NUBPL: variants seen among roughly 807,000 people sequenced by gnomAD.
NUBPL encodes the protein iron-sulfur cluster transfer protein NUBPL.
NUBPL carries 31 observed loss-of-function variants against 45.7 expected under a neutral mutation model. That is an observed-to-expected ratio of 0.68 (90% CI 0.51 to 0.92). The LOEUF is 0.92. Among genes scored for constraint, NUBPL ranks in the 40% least tolerant of loss-of-function variants. The pLI is 0.00. For missense variants in NUBPL, 401 were observed against 398.7 expected (o/e 1.01, Z -0.05); for synonymous variants, 144 against 140.9 (o/e 1.02, Z -0.15).
intron 8 of NUBPL, among the ~76,000 whole-genome samples, chr14:31,834,404 C>T (rs987315181): frequency 2.6e-5 from 4 of 152,086 alleles, no homozygotes; most frequent in African/African-American, 9.7e-5. Context: ...TGGTCTCGAT[C>T]TCCTGACTTC....
chr14:31,627,781 A>G (rs1363090890), intron 4 of NUBPL, among the ~76,000 whole-genome samples: 3 of 151,584 alleles, frequency 2.0e-5, no homozygotes, highest in African/African-American at 7.3e-5. Flanking sequence ...AAAAAAAAAA[A>G]AATTATTGAG....
At chr14:31,828,051 C>T (rs978367214) in intron 8 of NUBPL, among the ~76,000 whole-genome samples, 1 of 152,154 alleles carries the variant, frequency 6.6e-6, no homozygotes, top group African/African-American at 2.4e-5. Context: ...TGCCTGTATG[C>T]TTACCTTCCA....
chr14:31,746,338 C>G (rs970995703), intron 6 of NUBPL, among the ~76,000 whole-genome samples: 4 of 151,886 alleles, frequency 2.6e-5, no homozygotes, highest in African/African-American at 4.9e-5. Context: ...TCATTTATTG[C>G]CTTTATCGTG....
At chr14:31,631,440 T>C (rs1416070449) in intron 4 of NUBPL, among the ~76,000 whole-genome samples, 1 of 151,948 alleles carries the variant, frequency 6.6e-6, no homozygotes, top group Non-Finnish European at 1.5e-5. Flanking sequence ...TGTATTAGTA[T>C]GGGTTCTCCA....
chr14:31,763,526 A>T lies in NUBPL; in HGVS notation c.514-24254A>T, dbSNP rs114349469. On this transcript the variant is annotated intron_variant, in intron 6 of 10. Coordinates refer to ENST00000281081, the MANE Select transcript of NUBPL (RefSeq NM_025152.3). ...AGGAGAGAGATTGAAAGAAAGAGAA[A>T]CACTGAGAGAGAGATTGAGGTGATT... is the stretch of plus-strand genomic sequence containing the variant. 6.5e-3 allele frequency among the ~76,000 whole-genome samples: 996 copies of T among 152,304 alleles called. 12 individuals are homozygous for T. The highest frequency in any genetic ancestry group is 0.022 in the African/African-American group (933 of 41,568).
chr14:31,818,864 T>C (rs1216299757), intron 7 of NUBPL, among the ~76,000 whole-genome samples: 2 of 152,222 alleles, frequency 1.3e-5, no homozygotes, highest in Admixed American at 1.3e-4. Context: ...TATAATTTTC[T>C]GTAGGAAGAT....
intron 6 of NUBPL, among the ~76,000 whole-genome samples, chr14:31,706,252 G>T (rs2037449676): frequency 6.6e-6 from 1 of 152,196 alleles, no homozygotes; most frequent in African/African-American, 2.4e-5. Context: ...GGGCCCTGCA[G>T]TTATAGTGTC....
chr14:31,811,703 G>A (rs1191305183), intron 7 of NUBPL, among the ~76,000 whole-genome samples: 1 of 152,074 alleles, frequency 6.6e-6, no homozygotes, highest in Non-Finnish European at 1.5e-5. Context: ...GGAGTGCTCT[G>A]GTTTTTAGAA....
At chr14:31,700,099 G>A (rs897008828) in intron 6 of NUBPL, among the ~76,000 whole-genome samples, 3 of 152,100 alleles carry the variant, frequency 2.0e-5, no homozygotes, top group African/African-American at 7.2e-5. Context: ...CTTAAAAATT[G>A]AATTAAAATT....
At chr14:31,584,024 C>T (rs77268285) in intron 3 of NUBPL, among the ~76,000 whole-genome samples, 7,164 of 152,230 alleles carry the variant, frequency 0.047, 211 homozygotes, top group Admixed American at 0.066. Flanking sequence ...TTTTTCCAGT[C>T]GTCCTTTGGT....
rs1297937634 is a variant in NUBPL at position 31,739,208 on chromosome 14, A to ATATAT, written c.514-48561_514-48557dup. ...TATATATATATATTATATTCTATAT[A>ATATAT]TATATTATATTATATATATATATAT... On this transcript the variant is annotated intron_variant, in intron 6 of 10. Transcript: ENST00000281081. 2.8e-5 allele frequency among the ~76,000 whole-genome samples: 3 copies of ATATAT among 107,012 alleles called. No homozygotes were observed. The South Asian group carries it at 1.1e-3, about 39-fold the overall frequency. The allele number at this position is 107,012 out of a possible 152,430, so 70.2% of individuals were successfully genotyped here. A position where few individuals can be genotyped will look rare whatever the true frequency, so the allele number is the denominator to read the frequency against.
intron 7 of NUBPL, among the ~76,000 whole-genome samples, chr14:31,790,020 C>T (rs1595630096): frequency 1.3e-5 from 2 of 151,216 alleles, no homozygotes; most frequent in African/African-American, 2.4e-5. Flanking sequence ...GCTTCTGATA[C>T]CTTGGAATGC....
At chr14:31,569,938 A>G (rs2033537513) in intron 3 of NUBPL, among the ~76,000 whole-genome samples, 2 of 152,120 alleles carry the variant, frequency 1.3e-5, no homozygotes, top group African/African-American at 4.8e-5. Flanking sequence ...TTTTACGGCA[A>G]AAATTTGATG....
intron 6 of NUBPL, among the ~76,000 whole-genome samples, chr14:31,746,943 G>C (rs1462561946): frequency 6.6e-6 from 1 of 151,692 alleles, no homozygotes; most frequent in South Asian, 2.1e-4. Context: ...GGTGGCTTGT[G>C]CCTATAGTTC....
intron 7 of NUBPL, among the ~76,000 whole-genome samples, chr14:31,822,398 G>C (rs371411024): frequency 9.2e-5 from 14 of 152,128 alleles, no homozygotes; most frequent in African/African-American, 3.4e-4. Flanking sequence ...TAGTTTTACT[G>C]GAGATTATGT....
chr14:31,583,923 A>G (rs1398225760), intron 3 of NUBPL, among the ~76,000 whole-genome samples: 1 of 152,088 alleles, frequency 6.6e-6, no homozygotes, highest in African/African-American at 2.4e-5. Flanking sequence ...TGTTAGATAT[A>G]TTTTCCCAAT....
At chr14:31,805,552 T>C (rs1051758939) in intron 7 of NUBPL, among the ~76,000 whole-genome samples, 1 of 152,158 alleles carries the variant, frequency 6.6e-6, no homozygotes, top group African/African-American at 2.4e-5. Flanking sequence ...AAAGAAAATA[T>C]GCTATATACA....
chr14:31,695,246 T>C (rs2139875188), intron 6 of NUBPL, among the ~76,000 whole-genome samples: 1 of 152,322 alleles, frequency 6.6e-6, no homozygotes, highest in East Asian at 1.9e-4. Context: ...CTACTTAAAA[T>C]GTCCTTCTTT....
intron 4 of NUBPL, among the ~76,000 whole-genome samples, chr14:31,649,647 C>T (rs1022082378): frequency 9.9e-5 from 15 of 152,270 alleles, no homozygotes; most frequent in African/African-American, 3.4e-4. Context: ...AATAAAGTCT[C>T]ACCTAAGTTG....
Sources: gnomAD v4.1 joint callset for allele counts (sites outside exome capture counted in the v4.1 genomes callset) on GRCh38, gnomAD v4.1.1 for gene constraint, MANE v1.5 for transcripts, NCBI Gene and HGNC (gene_info 2026-07-23, HGNC 2026-07-21) for gene names.